The following CNTN4 variants were observed in gnomAD, a reference collection of about 807,000 sequenced individuals.
The protein encoded by CNTN4 is contactin-4.
In CNTN4, 77 loss-of-function variants were observed where a neutral mutation model predicts 122.5. That is an observed-to-expected ratio of 0.63 (90% confidence interval 0.52 to 0.76). The LOEUF (loss-of-function observed/expected upper bound fraction) is 0.76. Among genes scored for constraint, CNTN4 ranks in the 30% least tolerant of loss-of-function variants. CNTN4 has a pLI of 0.00. For missense variants in CNTN4, 1,256 were observed against 1,259.1 expected (o/e 1.00, Z 0.04); for synonymous variants, 512 against 447.0 (o/e 1.15, Z -1.83).
At chr3:2,193,829 A>G (rs539685463) in intron 2 of CNTN4, among the ~76,000 whole-genome samples, 1 of 152,320 alleles carries the variant, frequency 6.6e-6, no homozygotes, top group African/African-American at 2.4e-5. Context: ...ACAGTTGCCC[A>G]CAGTATTTGG....
intron 3 of CNTN4, among the ~76,000 whole-genome samples, chr3:2,367,910 C>A: frequency 6.6e-6 from 1 of 152,030 alleles, no homozygotes; most frequent in Non-Finnish European, 1.5e-5. Context: ...CCTCAGGATC[C>A]GTAAGTACTA....
chr3:2,125,586 T>C (rs1240106467), intron 2 of CNTN4, among the ~76,000 whole-genome samples: 1 of 145,886 alleles, frequency 6.9e-6, no homozygotes, highest in East Asian at 2.0e-4. Context: ...TTGAGACGAG[T>C]CTCACACTGG....
At chr3:2,430,616 C>CAAATAAA (rs2048032815) in intron 3 of CNTN4, among the ~76,000 whole-genome samples, 1 of 103,348 alleles carries the variant, frequency 9.7e-6, no homozygotes, top group East Asian at 2.8e-4. Flanking sequence ...AGCAAATTAC[C>CAAATAAA]AAAAAAAAAA....
At chr3:2,963,290 C>A (rs577940120) in intron 13 of CNTN4, among the ~76,000 whole-genome samples, 2 of 152,288 alleles carry the variant, frequency 1.3e-5, no homozygotes, top group East Asian at 1.9e-4. Context: ...CTTACTGAGA[C>A]TCAATTTCCC....
chr3:2,254,733 G>T (rs191924953), intron 2 of CNTN4, among the ~76,000 whole-genome samples: 20 of 152,024 alleles, frequency 1.3e-4, no homozygotes, highest in Admixed American at 1.3e-3. Flanking sequence ...TTTTTGATGG[G>T]GTTGTTTTTT....
At chr3:2,984,030 A>G (rs999957321) in intron 13 of CNTN4, among the ~76,000 whole-genome samples, 1 of 152,228 alleles carries the variant, frequency 6.6e-6, no homozygotes, top group Admixed American at 6.5e-5. Flanking sequence ...TTGAGACCCT[A>G]AACCAATATC....
At chr3:2,199,341 C>G (rs1288579557) in intron 2 of CNTN4, among the ~76,000 whole-genome samples, 6 of 151,122 alleles carry the variant, frequency 4.0e-5, no homozygotes, top group African/African-American at 1.5e-4. Flanking sequence ...GTGTGTGTCT[C>G]TGTGTGTGTG....
At chr3:2,371,655 C>A (rs79980840) in intron 3 of CNTN4, among the ~76,000 whole-genome samples, 1 of 152,114 alleles carries the variant, frequency 6.6e-6, no homozygotes, top group Non-Finnish European at 1.5e-5. Context: ...CCGCTAGATT[C>A]GTGTTCAGGA....
rs554370279 is a variant in CNTN4, at chr3:2,672,676, C to A, written c.56-63539C>A. Among the ~76,000 whole-genome samples the A allele has an allele frequency of 1.3e-4, 20 of 152,320 alleles. 1 individual carries two copies. In the South Asian group the frequency reaches 3.3e-3, roughly 25 times the overall value. ...CTCAGTTGGAAATGCAGAAATCATTCGTCTTCTGTGTTGCTCACACTGGGA... is the reference window on the plus strand; with the variant it reads ...CTCAGTTGGAAATGCAGAAATCATTAGTCTTCTGTGTTGCTCACACTGGGA... On this transcript the variant is annotated intron_variant, in intron 4 of 24. Transcript: ENST00000418658.
At chr3:3,056,079 G>A (rs140232730) in intron 24 of CNTN4, 41 bp from the exon 25 acceptor site, 28 of 1,522,616 alleles carry the variant, frequency 1.8e-5, no homozygotes, top group Middle Eastern at 1.7e-4. Flanking sequence ...CTTTGAAGCC[G>A]GGATGGGGCT....
At chr3:2,525,933 AC>A (rs1283014959) in intron 3 of CNTN4, among the ~76,000 whole-genome samples, 1 of 151,934 alleles carries the variant, frequency 6.6e-6, no homozygotes, top group Non-Finnish European at 1.5e-5. Flanking sequence ...TTATACCTCC[AC>A]CCCCATTGCT....
intron 4 of CNTN4, among the ~76,000 whole-genome samples, chr3:2,655,642 A>G (rs1014735968): frequency 2.6e-5 from 4 of 152,308 alleles, no homozygotes; most frequent in South Asian, 2.1e-4. Context: ...AAAGTACAAC[A>G]TTATAGTGAC....
intron 14 of CNTN4, among the ~76,000 whole-genome samples, chr3:3,002,296 T>A (rs1015860685): frequency 1.3e-5 from 2 of 152,200 alleles, no homozygotes; most frequent in African/African-American, 4.8e-5. Context: ...TGCACCAGTC[T>A]GTTTGGGGAA....
intron 4 of CNTN4, among the ~76,000 whole-genome samples, chr3:2,714,510 GAT>G (rs2087359203): frequency 6.6e-6 from 1 of 152,128 alleles, no homozygotes; most frequent in African/African-American, 2.4e-5. Flanking sequence ...GAAAGAGGAA[GAT>G]AGCACCTGTG....
chr3:2,720,473 C>A (rs576755856), intron 4 of CNTN4, among the ~76,000 whole-genome samples: 7 of 152,158 alleles, frequency 4.6e-5, no homozygotes, highest in African/African-American at 1.7e-4. Context: ...TTTTATGTAC[C>A]CAACTGAGCC....
intron 14 of CNTN4, chr3:2,999,014 G>T (rs1246335278): frequency 6.6e-6 from 1 of 152,148 alleles, no homozygotes; most frequent in Admixed American, 6.6e-5. Context: ...CATTCAGAGA[G>T]ATCCACATAA....
chr3:2,231,178 C>T (rs1014768065), intron 2 of CNTN4, among the ~76,000 whole-genome samples: 1 of 152,094 alleles, frequency 6.6e-6, no homozygotes, highest in African/African-American at 2.4e-5. Context: ...CAATTAGATA[C>T]TTTACACTCA....
At chr3:2,540,037 A>C (rs2077970090) in intron 3 of CNTN4, among the ~76,000 whole-genome samples, 1 of 151,806 alleles carries the variant, frequency 6.6e-6, no homozygotes, top group African/African-American at 2.4e-5. Context: ...GGCAGAGGAC[A>C]AGATAATATG....
rs560292546 is a variant in CNTN4, at chr3:2,359,056, C to T, written c.-89+19823C>T. Among the ~76,000 whole-genome samples, 13 of 152,226 alleles carry T rather than the reference C, an allele frequency of 8.5e-5. No homozygotes were observed. The South Asian group carries it at 1.7e-3, about 19-fold the overall frequency. On this transcript the variant is annotated intron_variant, in intron 3 of 24. Coordinates refer to ENST00000418658, the MANE Select transcript of CNTN4 (RefSeq NM_175607.3). ...ATATTTTAATCATTCTGAGCCTTTT[C>T]GCCTCATCCAAGTAAAACAATTGTC...
Sources: allele counts gnomAD v4.1 joint callset (sites outside exome capture counted in the v4.1 genomes callset), GRCh38; gene constraint gnomAD v4.1.1; transcripts MANE v1.5; gene names NCBI Gene and HGNC (gene_info 2026-07-23, HGNC 2026-07-21).